Variants in RSF1 observed in about 807,000 individuals in gnomAD.
The protein encoded by RSF1 is HBV pX-associated protein 8.
RSF1 carries 13 observed loss-of-function variants against 145.2 expected under a neutral mutation model. The observed-to-expected ratio is 0.09, with a 90% confidence interval of 0.06 to 0.14. The LOEUF (loss-of-function observed/expected upper bound fraction) is 0.14. Ranked by LOEUF, RSF1 falls within the 10% of genes least tolerant of loss-of-function variation. RSF1 has a pLI of 1.00. For synonymous variants in RSF1, 577 were observed against 592.6 expected (o/e 0.97, Z 0.38); for missense variants, 1,517 against 1,718.2 (o/e 0.88, Z 2.07).
Position 77,734,648 on chromosome 11 carries a change from C to G in RSF1, c.578+6083G>C, listed in dbSNP as rs1765918632. ...TCAATGAAGTCACACAAATGGGGGTCATTTTTGTCAGTGGCCAATTTGTGC... is the reference window on the plus strand; with the variant it reads ...TCAATGAAGTCACACAAATGGGGGTGATTTTTGTCAGTGGCCAATTTGTGC... On this transcript the variant is annotated intron_variant, in intron 4 of 15. Transcript: ENST00000308488. The G allele has an allele frequency of 6.1e-6, 9 of 1,465,738 alleles. No individual in the cohort carries two copies. In the South Asian group the frequency reaches 6.8e-5, roughly 11 times the overall value. 90.8% of individuals were successfully genotyped at this position (1,465,738 alleles called of 1,614,324 possible). A position where few individuals can be genotyped will look rare whatever the true frequency, so the allele number is the denominator to read the frequency against.
chr11:77,756,508 C>T (rs1337306518), intron 2 of RSF1, among the ~76,000 whole-genome samples: 3 of 152,008 alleles, frequency 2.0e-5, no homozygotes, highest in Non-Finnish European at 4.4e-5. Flanking sequence ...ATTCCACAAA[C>T]ATTTACTATG....
chr11:77,764,706 A>G lies in RSF1; in HGVS notation c.188-17T>C. The G allele has an allele frequency of 7.1e-7, 1 of 1,410,404 alleles. No individual in the cohort carries two copies. Among genetic ancestry groups the G allele is most frequent in the South Asian group, 1.2e-5 (1 of 81,704 alleles). The allele number at this position is 1,410,404 out of a possible 1,614,324, so 87.4% of individuals were successfully genotyped here. ...CTTTTGGTACTTAAAAGAAAGAAAAAAAATATCATTAGCCAACAAAATAAA... is the reference window on the plus strand; with the variant it reads ...CTTTTGGTACTTAAAAGAAAGAAAAGAAATATCATTAGCCAACAAAATAAA... On this transcript the variant is annotated splice_polypyrimidine_tract_variant and intron_variant, in intron 1 of 15. Coordinates refer to ENST00000308488, the MANE Select transcript of RSF1 (RefSeq NM_016578.4).
the RSF1 span, among the ~76,000 whole-genome samples, chr11:77,852,224 CAA>C: frequency 3.0e-5 from 1 of 33,512 alleles, no homozygotes; most frequent in Non-Finnish European, 4.8e-5. Flanking sequence ...GACACTGTCT[CAA>C]AAAAAAAAAA....
At chr11:77,674,303 G>A (rs2135815082) in intron 14 of RSF1, among the ~76,000 whole-genome samples, 1 of 152,312 alleles carries the variant, frequency 6.6e-6, no homozygotes, top group Admixed American at 6.5e-5. Flanking sequence ...ATTACATAAA[G>A]CATTCATTTC....
rs1959272628 is a variant in RSF1 at position 77,663,122 on chromosome 11, T to C, written c.*3795A>G. ...ACCTTGAATAACGGGCCTGTTCCAC[T>C]GTACTGGTAAAGAGCGGAGTTCCTA... On this transcript the variant is annotated 3_prime_UTR_variant, in exon 16 of 16. Transcript: ENST00000308488. The C allele has an allele frequency of 6.6e-6, 1 of 152,236 alleles. No individual in the cohort carries two copies. Among genetic ancestry groups the C allele is most frequent in the African/African-American group, 2.4e-5 (1 of 41,464 alleles). The allele number at this position is 152,236 out of a possible 1,614,324, so 9.4% of individuals were successfully genotyped here.
chr11:77,782,198 G>A (rs1948410897), intron 1 of RSF1, among the ~76,000 whole-genome samples: 1 of 152,170 alleles, frequency 6.6e-6, no homozygotes, highest in African/African-American at 2.4e-5. Flanking sequence ...GTGGCTTAGT[G>A]GTGACATATT....
intron 5 of RSF1, among the ~76,000 whole-genome samples, chr11:77,708,077 T>C (rs1393791055): frequency 6.6e-6 from 1 of 152,112 alleles, no homozygotes; most frequent in Non-Finnish European, 1.5e-5. Context: ...AGAAACCCAG[T>C]GTGTTTAATG....
At chr11:77,671,168 T>A (rs1565142963) in intron 15 of RSF1, among the ~76,000 whole-genome samples, 5 of 94,956 alleles carry the variant, frequency 5.3e-5, no homozygotes, top group African/African-American at 1.8e-4. Context: ...TATATATATA[T>A]ATATATATAT....
chr11:77,702,457 GCTC>G lies in RSF1; in HGVS notation c.769_771del (p.Glu257del). 1 of 1,557,650 alleles carries G rather than the reference GCTC, an allele frequency of 6.4e-7. No homozygotes were observed. Among genetic ancestry groups the G allele is most frequent in the African/African-American group, 1.4e-5 (1 of 71,662 alleles). On this transcript the variant is annotated inframe_deletion, in exon 6 of 16. Transcript: ENST00000308488. ...GAACGGTTTTCTAAATCCATAGGCT[GCTC>G]CTCACTTTTCATCTTTTCACTTTCT... is the stretch of plus-strand genomic sequence containing the variant.
chr11:77,808,161 C>T (rs1234386515), intron 1 of RSF1, among the ~76,000 whole-genome samples: 1 of 152,004 alleles, frequency 6.6e-6, no homozygotes, highest in Non-Finnish European at 1.5e-5. Flanking sequence ...TGGTGAAACC[C>T]TGTCTCTATT....
chr11:77,685,597 T>C (rs544699859), intron 9 of RSF1, among the ~76,000 whole-genome samples: 177 of 152,330 alleles, frequency 1.2e-3, no homozygotes, highest in Non-Finnish European at 2.1e-3. Context: ...TCCTGGCCCA[T>C]GTTAGCTATT....
At chr11:77,761,218 C>A (rs539389352) in intron 2 of RSF1, among the ~76,000 whole-genome samples, 2 of 152,234 alleles carry the variant, frequency 1.3e-5, no homozygotes, top group African/African-American at 4.8e-5. Flanking sequence ...GGATTACAGG[C>A]GTGAGCCACC....
At chr11:77,674,663 T>G (rs1959643892) in intron 14 of RSF1, among the ~76,000 whole-genome samples, 1 of 152,192 alleles carries the variant, frequency 6.6e-6, no homozygotes, top group South Asian at 2.1e-4. Flanking sequence ...AAATAAGTCT[T>G]AAGAACAGAA....
At chr11:77,695,382 T>C (rs1271325428) in intron 7 of RSF1, among the ~76,000 whole-genome samples, 1 of 152,144 alleles carries the variant, frequency 6.6e-6, no homozygotes, top group African/African-American at 2.4e-5. Context: ...TTATTAGGAA[T>C]TATTCTGTAA....
At chr11:77,761,824 G>C (rs569635383) in intron 2 of RSF1, among the ~76,000 whole-genome samples, 1 of 111,728 alleles carries the variant, frequency 9.0e-6, no homozygotes, top group South Asian at 2.9e-4. Context: ...ATTTCCATTC[G>C]GTGATTTTTT....
the RSF1 span, among the ~76,000 whole-genome samples, chr11:77,858,963 T>G: frequency 2.0e-5 from 3 of 152,216 alleles, no homozygotes; most frequent in African/African-American, 7.2e-5. Flanking sequence ...TTTGGCACAC[T>G]TTACAGGCCC....
chr11:77,698,546 T>C lies in RSF1; in HGVS notation c.2656A>G (p.Ile886Val). ...EEEEKESEEA[I>V]LADDDEPCKK... ...CATGGTTCATCATCATCTGCTAGGA[T>C]GGCTTCTTCACTTTCCTTTTCTTCC... The change falls in exon 7 of 16, where the codon ATC (isoleucine) becomes GTC (valine). Residue 886 changes from isoleucine (I) to valine (V), a missense_variant. Ile to Val is a conservative substitution (Grantham distance 29, BLOSUM62 3). Around this residue, in one of 12 missense-constraint regions of RSF1, gnomAD observed 24 missense variants for 32.1 expected, o/e 0.75. Transcript: ENST00000308488. The C allele has an allele frequency of 1.2e-6, 2 of 1,614,226 alleles. No individual in the cohort carries two copies. Among genetic ancestry groups the C allele is most frequent in the Non-Finnish European group, 8.5e-7 (1 of 1,180,038 alleles).
At chr11:77,743,854 T>G (rs1947968820) in intron 3 of RSF1, among the ~76,000 whole-genome samples, 1 of 152,184 alleles carries the variant, frequency 6.6e-6, no homozygotes, top group South Asian at 2.1e-4. Flanking sequence ...GGGGTTGTAT[T>G]ATATGGCCTT....
At chr11:77,823,913 T>C (rs1327536753), upstream of RSF1, among the ~76,000 whole-genome samples, 1 of 151,258 alleles carries the variant, frequency 6.6e-6, no homozygotes, top group African/African-American at 2.4e-5. Flanking sequence ...TGAAATAACA[T>C]TCTAAAAAAA....
Sources: allele counts gnomAD v4.1 joint callset (sites outside exome capture counted in the v4.1 genomes callset), GRCh38; gene constraint gnomAD v4.1.1; regional missense constraint gnomAD v4.1.1; transcripts MANE v1.5; gene names NCBI Gene and HGNC (gene_info 2026-07-23, HGNC 2026-07-21).